The following GRK5 variants were observed in gnomAD, a reference collection of about 807,000 sequenced individuals.
GRK5 encodes G protein-coupled receptor kinase 5.
GRK5 carries 40 observed loss-of-function variants against 78.4 expected under a neutral mutation model. That is an observed-to-expected ratio of 0.51 (90% CI 0.40 to 0.66). The LOEUF is 0.66. GRK5 is among the 30% of genes least tolerant of loss of function. The probability of loss-of-function intolerance (pLI) is 0.00; values close to 1 mark genes in which losing one functional copy is unlikely to be tolerated. For synonymous variants in GRK5, 289 were observed against 296.8 expected (o/e 0.97, Z 0.27); for missense variants, 598 against 759.9 (o/e 0.79, Z 2.50).
chr10:119,430,824 A>G lies in GRK5; in HGVS notation c.597+386A>G, dbSNP rs999984246. On this transcript the variant is annotated intron_variant, in intron 7 of 15. Transcript: ENST00000392870. The surrounding 1 kb of genome is among the most constrained non-coding windows in gnomAD (Gnocchi z 4.5). ...TGCAAGATTCGAGATTTCGTTGTAC[A>G]TTACCCGATCTTCCCAGCATGTGAG... Among the ~76,000 whole-genome samples the G allele has an allele frequency of 3.3e-5, 5 of 152,126 alleles. No individual in the cohort carries two copies. Among genetic ancestry groups the G allele is most frequent in the Non-Finnish European group, 7.4e-5 (5 of 68,004 alleles).
At position 119,430,346 on chromosome 10, in the gene GRK5, G is replaced by C. The variant is rs1372368910; in HGVS notation, c.534-29G>C. ...TGGATTCTGAGTCTTGGCACCATGA[G>C]ACCAGTGTGGGATTCTTCTTTCTTC... On this transcript the variant is annotated intron_variant, in intron 6 of 15. Coordinates refer to ENST00000392870, the MANE Select transcript of GRK5 (RefSeq NM_005308.3). This position sits in a 1 kb window ranked among gnomAD's most constrained non-coding sequence, Gnocchi z 4.5. The C allele has an allele frequency of 1.9e-6, 3 of 1,600,730 alleles. No homozygotes were observed. The Admixed American group carries it at 5.0e-5, about 27-fold the overall frequency.
Position 119,458,796 on chromosome 10 carries a change from C to T in GRK5, c.*3729C>T, listed in dbSNP as rs1853440229. 6.6e-6 allele frequency: 1 copy of T among 152,232 alleles called. No individual in the cohort carries two copies. Among genetic ancestry groups the T allele is most frequent in the Non-Finnish European group, 1.5e-5 (1 of 68,068 alleles). 9.4% of individuals were successfully genotyped at this position (152,232 alleles called of 1,614,324 possible). A position where few individuals can be genotyped will look rare whatever the true frequency, so the allele number is the denominator to read the frequency against. On this transcript the variant is annotated 3_prime_UTR_variant, in exon 16 of 16. Coordinates refer to ENST00000392870, the MANE Select transcript of GRK5 (RefSeq NM_005308.3). ...CCACACCCTGTCCTTTCCCCAAAGG[C>T]TCGTGTTATCAGTTCCAGCTACCCA...
chr10:119,234,694 T>C (rs1848890695), intron 1 of GRK5, among the ~76,000 whole-genome samples: 1 of 152,100 alleles, frequency 6.6e-6, no homozygotes. Context: ...TCTTCTTTTC[T>C]TTTCTTATTA....
chr10:119,313,298 G>A (rs1850429159), intron 1 of GRK5, among the ~76,000 whole-genome samples: 2 of 151,158 alleles, frequency 1.3e-5, no homozygotes, highest in Non-Finnish European at 2.9e-5. Flanking sequence ...TGGTAATGGT[G>A]GTGGTGATGA....
At chr10:119,369,056 G>A (rs1416136542) in intron 2 of GRK5, among the ~76,000 whole-genome samples, 5 of 152,122 alleles carry the variant, frequency 3.3e-5, no homozygotes, top group East Asian at 1.9e-4. Flanking sequence ...TGCCTGGGCC[G>A]GGCACTGATC....
intron 11 of GRK5, 39 bp downstream of exon 11, chr10:119,442,127 C>T: frequency 6.5e-7 from 1 of 1,538,064 alleles, no homozygotes; most frequent in Non-Finnish European, 9.0e-7. Flanking sequence ...ACCTTGAGAC[C>T]CACCACCTGC....
At chr10:119,389,299 T>TG (rs1347225178) in intron 3 of GRK5, among the ~76,000 whole-genome samples, 1 of 152,252 alleles carries the variant, frequency 6.6e-6, no homozygotes, top group Non-Finnish European at 1.5e-5. Flanking sequence ...TCTGCCTCAC[T>TG]GGGGGCTAAG....
chr10:119,448,713 G>T (rs1458086901), intron 13 of GRK5, among the ~76,000 whole-genome samples: 1 of 152,064 alleles, frequency 6.6e-6, no homozygotes, highest in Non-Finnish European at 1.5e-5. Flanking sequence ...CAGGTTCTGG[G>T]CCAGGCAGAA....
At chr10:119,383,123 G>A (rs921125502) in intron 3 of GRK5, among the ~76,000 whole-genome samples, 28 of 152,078 alleles carry the variant, frequency 1.8e-4, no homozygotes, top group African/African-American at 6.3e-4. Context: ...GGGTCTCACC[G>A]TGTTAGCCAG....
chr10:119,262,966 G>A (rs946732157), intron 1 of GRK5, among the ~76,000 whole-genome samples: 8 of 152,188 alleles, frequency 5.3e-5, no homozygotes, highest in African/African-American at 1.9e-4. Flanking sequence ...TATGGTCAAA[G>A]TTGTTGGGAA....
At chr10:119,239,337 C>T (rs1334463784) in intron 1 of GRK5, among the ~76,000 whole-genome samples, 2 of 151,780 alleles carry the variant, frequency 1.3e-5, no homozygotes, top group African/African-American at 2.4e-5. Flanking sequence ...CGGTTTCAAG[C>T]GATTTTCCTG....
At chr10:119,335,684 A>G (rs1850872649) in intron 2 of GRK5, among the ~76,000 whole-genome samples, 1 of 152,326 alleles carries the variant, frequency 6.6e-6, no homozygotes, top group East Asian at 1.9e-4. Context: ...TTTAAACCAG[A>G]CACTGGCTAA....
intron 4 of GRK5, among the ~76,000 whole-genome samples, chr10:119,397,832 G>GC (rs1207941650): frequency 2.0e-5 from 3 of 152,198 alleles, no homozygotes; most frequent in South Asian, 2.1e-4. Flanking sequence ...CCTTTGTCAC[G>GC]CCCCACTCTG....
At chr10:119,269,467 G>A (rs555789229) in intron 1 of GRK5, among the ~76,000 whole-genome samples, 4 of 152,192 alleles carry the variant, frequency 2.6e-5, no homozygotes, top group African/African-American at 4.8e-5. Flanking sequence ...TGAGGCTTCC[G>A]TGGGTAGGCC....
chr10:119,420,349 C>G (rs67973209), intron 4 of GRK5, among the ~76,000 whole-genome samples: 1 of 50,980 alleles, frequency 2.0e-5, no homozygotes, highest in Non-Finnish European at 6.2e-5. Context: ...AACAAACAAA[C>G]AAACAAAAAA....
chr10:119,441,108 G>A (rs1266483122), intron 10 of GRK5, among the ~76,000 whole-genome samples: 1 of 152,234 alleles, frequency 6.6e-6, no homozygotes, highest in African/African-American at 2.4e-5. Context: ...CTGCCCTGTG[G>A]AGGGGCGGTC....
intron 8 of GRK5, 77 bp from the exon 9 acceptor site, chr10:119,436,574 C>G: frequency 7.0e-7 from 1 of 1,434,910 alleles, no homozygotes; most frequent in Non-Finnish European, 9.7e-7. Flanking sequence ...ACCCCAGCTC[C>G]CAGGATCCTG....
intron 1 of GRK5, among the ~76,000 whole-genome samples, chr10:119,322,067 A>G (rs2133756960): frequency 6.6e-6 from 1 of 152,226 alleles, no homozygotes; most frequent in East Asian, 1.9e-4. Flanking sequence ...TGCAGCCTTG[A>G]ACTTCTGGGC....
chr10:119,425,197 T>A (rs3740564), intron 6 of GRK5, 112 bp downstream of exon 6: 47,576 of 717,470 alleles, frequency 0.066, 4,307 homozygotes, highest in African/African-American at 0.32. Context: ...AAAACAAAAT[T>A]AACCCGACTC....
Sources: allele counts gnomAD v4.1 joint callset (sites outside exome capture counted in the v4.1 genomes callset), GRCh38; gene constraint gnomAD v4.1.1; non-coding constraint Gnocchi (gnomAD v3.1); transcripts MANE v1.5; gene names NCBI Gene and HGNC (gene_info 2026-07-23, HGNC 2026-07-21).